The following NCOA1 variants were observed in gnomAD, a reference collection of about 807,000 sequenced individuals.
NCOA1 encodes nuclear receptor coactivator 1.
A neutral mutation model predicts 150.9 loss-of-function variants in NCOA1; 35 were observed. That is an observed-to-expected ratio of 0.23 (90% CI 0.18 to 0.31). The LOEUF is 0.31. Among genes scored for constraint, NCOA1 ranks in the 10% least tolerant of loss-of-function variants. The pLI, the probability that NCOA1 is intolerant of heterozygous loss-of-function variation, is 1.00. For missense variants in NCOA1, 1,491 were observed against 1,749.3 expected, an observed-to-expected ratio of 0.85 and a Z score of 2.63; for synonymous variants, 590 against 630.0, an observed-to-expected ratio of 0.94 and a Z score of 0.95.
intron 8 of NCOA1, among the ~76,000 whole-genome samples, chr2:24,687,663 G>C (rs1459706263): frequency 6.6e-6 from 1 of 152,092 alleles, no homozygotes; most frequent in Non-Finnish European, 1.5e-5. Context: ...GGAACTTCCA[G>C]ACGCTTATAA....
At chr2:24,674,065 A>G (rs973962201) in intron 7 of NCOA1, among the ~76,000 whole-genome samples, 1 of 151,826 alleles carries the variant, frequency 6.6e-6, no homozygotes, top group Admixed American at 6.6e-5. Flanking sequence ...GTTTCCAAGC[A>G]TCCTCATTAC....
intron 11 of NCOA1, among the ~76,000 whole-genome samples, chr2:24,699,091 T>C (rs1407876471): frequency 1.3e-5 from 2 of 152,188 alleles, no homozygotes; most frequent in East Asian, 3.9e-4. Flanking sequence ...TTACAATAAG[T>C]AACTAATGCC....
chr2:24,709,277 A>C (rs764323406), intron 13 of NCOA1, among the ~76,000 whole-genome samples: 8 of 152,210 alleles, frequency 5.3e-5, no homozygotes, highest in Non-Finnish European at 1.0e-4. Context: ...ACAGGATAAT[A>C]AGATATGCAT....
At chr2:24,691,069 G>A (rs958450269) in intron 8 of NCOA1, among the ~76,000 whole-genome samples, 4 of 152,112 alleles carry the variant, frequency 2.6e-5, no homozygotes, top group African/African-American at 4.8e-5. Flanking sequence ...TTAAGAATCC[G>A]TGATTGCCAA....
At chr2:24,655,445 CTTGA>C (rs1170360900) in intron 4 of NCOA1, among the ~76,000 whole-genome samples, 4 of 152,012 alleles carry the variant, frequency 2.6e-5, no homozygotes, top group African/African-American at 9.7e-5. Context: ...TCTATGAACA[CTTGA>C]TTGGACTGTC....
At chr2:24,662,324 C>T (rs777303123) in intron 5 of NCOA1, among the ~76,000 whole-genome samples, 1 of 152,136 alleles carries the variant, frequency 6.6e-6, no homozygotes, top group African/African-American at 2.4e-5. Flanking sequence ...AGGATTAAAA[C>T]GTTAATCTCA....
At chr2:24,614,499 G>A (rs184345067) in intron 3 of NCOA1, among the ~76,000 whole-genome samples, 1 of 151,722 alleles carries the variant, frequency 6.6e-6, no homozygotes, top group East Asian at 1.9e-4. Context: ...CAAAGTGCTG[G>A]GATTACAGGT....
chr2:24,744,714 T>A (rs1663803449), intron 19 of NCOA1, among the ~76,000 whole-genome samples: 1 of 152,248 alleles, frequency 6.6e-6, no homozygotes, highest in African/African-American at 2.4e-5. Flanking sequence ...CCAACATGTT[T>A]CCAGGTTTGA....
At chr2:24,650,154 G>GC (rs555943696) in intron 4 of NCOA1, among the ~76,000 whole-genome samples, 3 of 152,110 alleles carry the variant, frequency 2.0e-5, no homozygotes, top group Non-Finnish European at 4.4e-5. Flanking sequence ...GCTTAGGGGA[G>GC]CAGGGTCTCT....
At chr2:24,567,924 A>G (rs1002542082) in intron 2 of NCOA1, among the ~76,000 whole-genome samples, 1 of 152,062 alleles carries the variant, frequency 6.6e-6, no homozygotes, top group African/African-American at 2.4e-5. Flanking sequence ...TTGTATTTTT[A>G]GTAGAGACGG....
At chr2:24,702,763 G>A (rs186029301) in intron 11 of NCOA1, among the ~76,000 whole-genome samples, 1 of 152,254 alleles carries the variant, frequency 6.6e-6, no homozygotes, top group East Asian at 1.9e-4. Context: ...GTATAAAGAT[G>A]ACAAAATTAG....
intron 3 of NCOA1, among the ~76,000 whole-genome samples, chr2:24,614,383 A>C (rs1346864054): frequency 6.7e-6 from 1 of 150,122 alleles, no homozygotes; most frequent in Admixed American, 6.6e-5. Flanking sequence ...ACACCTGGCT[A>C]CTTTTTTGTT....
At chr2:24,559,097 AAAT>A (rs917367718) in intron 1 of NCOA1, among the ~76,000 whole-genome samples, 20 of 152,172 alleles carry the variant, frequency 1.3e-4, no homozygotes, top group African/African-American at 4.8e-4. Flanking sequence ...GCAGTTAGAA[AAAT>A]AATTTTTCAC....
chr2:24,661,919 A>G (rs569386219), intron 5 of NCOA1, among the ~76,000 whole-genome samples: 19 of 152,350 alleles, frequency 1.2e-4, no homozygotes, highest in Admixed American at 4.6e-4. Context: ...CATTACAAAT[A>G]TAAAAGTTTC....
intron 3 of NCOA1, among the ~76,000 whole-genome samples, chr2:24,636,399 A>T (rs1669939816): frequency 1.3e-5 from 2 of 152,184 alleles, no homozygotes; most frequent in Non-Finnish European, 1.5e-5. Context: ...TTGTATAGAA[A>T]CAATTGATAT....
At chr2:24,684,710 A>G (rs559055033) in intron 8 of NCOA1, among the ~76,000 whole-genome samples, 1 of 152,216 alleles carries the variant, frequency 6.6e-6, no homozygotes, top group East Asian at 1.9e-4. Context: ...AAATACTACT[A>G]CTTTCTTATA....
intron 3 of NCOA1, among the ~76,000 whole-genome samples, chr2:24,633,438 A>G (rs867764082): frequency 1.2e-4 from 18 of 152,148 alleles, no homozygotes; most frequent in Admixed American, 6.5e-5. Context: ...CATTCCAAAA[A>G]AGGGAAAACA....
intron 3 of NCOA1, among the ~76,000 whole-genome samples, chr2:24,612,291 T>G (rs1335232246): frequency 6.6e-6 from 1 of 152,196 alleles, no homozygotes; most frequent in Admixed American, 6.5e-5. Context: ...TGGGATTTCC[T>G]CTGACCTTTT....
chr2:24,615,250 G>A (rs1668823849), intron 3 of NCOA1, among the ~76,000 whole-genome samples: 1 of 152,158 alleles, frequency 6.6e-6, no homozygotes, highest in African/African-American at 2.4e-5. Flanking sequence ...TAACACAGTA[G>A]AAATGGCCTC....
Sources: allele counts gnomAD v4.1 joint callset (sites outside exome capture counted in the v4.1 genomes callset), GRCh38; gene constraint gnomAD v4.1.1; transcripts MANE v1.5; gene names NCBI Gene and HGNC (gene_info 2026-07-23, HGNC 2026-07-21).